Variants in TOB2 observed in about 807,000 individuals in gnomAD.
The protein encoded by TOB2 is transducer of ERBB2, 2, also known as protein Tob2.
Under a neutral mutation model 17.3 loss-of-function variants are expected in TOB2, and 3 were observed. The observed-to-expected ratio is 0.17, with a 90% CI of 0.08 to 0.45. The LOEUF (loss-of-function observed/expected upper bound fraction) is 0.45. Among genes scored for constraint, TOB2 ranks in the 20% least tolerant of loss-of-function variants. The pLI, the probability that TOB2 is intolerant of heterozygous loss-of-function variation, is 0.99. For synonymous variants in TOB2, 163 were observed against 185.6 expected (o/e 0.88, Z 0.99); for missense variants, 407 against 445.7 (o/e 0.91, Z 0.78).
At chr22:41,440,914 C>T (rs2037611934) in intron 1 of TOB2, among the ~76,000 whole-genome samples, 1 of 151,570 alleles carries the variant, frequency 6.6e-6, no homozygotes, top group Non-Finnish European at 1.5e-5. Flanking sequence ...TGCCATGTCA[C>T]CCAGGCTGTT....
intron 1 of TOB2, among the ~76,000 whole-genome samples, chr22:41,444,033 C>T (rs958783848): frequency 7.9e-5 from 12 of 152,206 alleles, no homozygotes; most frequent in African/African-American, 2.9e-4. Context: ...CACCTCTAAG[C>T]CTTAAATGTG....
At chr22:41,445,969 C>G (rs2037681030) in intron 1 of TOB2, among the ~76,000 whole-genome samples, 1 of 151,824 alleles carries the variant, frequency 6.6e-6, no homozygotes, top group Non-Finnish European at 1.5e-5. Context: ...GGAAAAGAAG[C>G]AGAAAAACAA....
chr22:41,441,685 G>A (rs559626696), intron 1 of TOB2, among the ~76,000 whole-genome samples: 3 of 152,086 alleles, frequency 2.0e-5, no homozygotes, highest in South Asian at 2.1e-4. Context: ...AGGCTGAGGC[G>A]GGTGGATCAC....
intron 1 of TOB2, among the ~76,000 whole-genome samples, chr22:41,441,039 C>T (rs531329536): frequency 4.6e-5 from 7 of 151,974 alleles, no homozygotes; most frequent in Non-Finnish European, 7.4e-5. Context: ...TAGTAGAGGC[C>T]GGGCACGGTG....
At position 41,438,758 on chromosome 22, in the gene TOB2, C is replaced by T. The variant is rs1040372515; in HGVS notation, c.-62-1351G>A. On this transcript the variant is annotated intron_variant, in intron 1 of 1. Coordinates refer to ENST00000327492, the MANE Select transcript of TOB2 (RefSeq NM_016272.4). ...CAACAAGGGAACTGCTGACTCGGGGCTGCCACAGGGAAGCAGAGAAAAGGA... is the reference window on the plus strand; with the variant it reads ...CAACAAGGGAACTGCTGACTCGGGGTTGCCACAGGGAAGCAGAGAAAAGGA... Among the ~76,000 whole-genome samples, 9 of 150,726 alleles carry T rather than the reference C, an allele frequency of 6.0e-5. No individual in the cohort carries two copies. The East Asian group carries it at 1.8e-3, about 30-fold the overall frequency.
intron 1 of TOB2, 105 bp from the exon 2 acceptor site, chr22:41,437,512 G>C (rs950299458): frequency 7.4e-7 from 1 of 1,344,056 alleles, no homozygotes; most frequent in Admixed American, 2.9e-5. Context: ...AGAACCAGGA[G>C]CCTATTTCTG....
rs1468276763 is a variant in TOB2, at chr22:41,436,539, G to A, written c.807C>T (p.Ser269=). The A allele has an allele frequency of 6.2e-7, 1 of 1,610,546 alleles. No individual in the cohort carries two copies. The highest frequency in any genetic ancestry group is 8.5e-7 in the Non-Finnish European group (1 of 1,178,320). Residue 269 remains serine (S), a synonymous_variant, in exon 2 of 2, where the codon AGC becomes AGT. Coordinates refer to ENST00000327492, the MANE Select transcript of TOB2 (RefSeq NM_016272.4). The surrounding 1 kb of genome is among the most constrained non-coding windows in gnomAD (Gnocchi z 4.8). ...GGCCATCGGCCGCATCAAAGAAGAG[G>A]CTGGGTGAGCCACCACCGTTGTACA... ...EFVYNGGGSP[S]LFFDAADGQG...
rs1218883076 is a variant in TOB2, at chr22:41,433,681, A to T, written c.*2630T>A. The T allele has an allele frequency of 2.7e-5, 11 of 402,924 alleles. No individual in the cohort carries two copies. Among genetic ancestry groups the T allele is most frequent in the Non-Finnish European group, 5.6e-5 (11 of 195,820 alleles). The allele number at this position is 402,924 out of a possible 1,614,324, so 25.0% of individuals were successfully genotyped here. On this transcript the variant is annotated 3_prime_UTR_variant, in exon 2 of 2. Transcript: ENST00000327492. Reference sequence around the variant, plus strand: ...TTGTATTCCTCCTTCACTAAAGAAAAAAGTTCATGACCCTGCTCCCCGGGC... The same window carrying T: ...TTGTATTCCTCCTTCACTAAAGAAATAAGTTCATGACCCTGCTCCCCGGGC...
intron 1 of TOB2, among the ~76,000 whole-genome samples, chr22:41,438,630 CAAAAAAAAA>C (rs749494672): frequency 0.14 from 1,803 of 12,650 alleles, 53 homozygotes; most frequent in African/African-American, 0.28. Context: ...AACTCTGTCT[CAAAAAAAAA>C]AAAAAAAAAA....
chr22:41,444,974 C>G (rs546939291), intron 1 of TOB2, among the ~76,000 whole-genome samples: 1 of 152,302 alleles, frequency 6.6e-6, no homozygotes, highest in South Asian at 2.1e-4. Context: ...ATCTTTTTCA[C>G]TTAATGCCTA....
At chr22:41,442,122 T>C (rs890253023) in intron 1 of TOB2, among the ~76,000 whole-genome samples, 1 of 150,162 alleles carries the variant, frequency 6.7e-6, no homozygotes, top group Non-Finnish European at 1.5e-5. Flanking sequence ...AAAAAAAAGT[T>C]GTGAGGAAAG....
At position 41,434,413 on chromosome 22, in the gene TOB2, T is replaced by C. The variant is rs2037523049; in HGVS notation, c.*1898A>G. The C allele has an allele frequency of 6.5e-6, 1 of 152,764 alleles. No homozygotes were observed. Among genetic ancestry groups the C allele is most frequent in the Admixed American group, 6.6e-5 (1 of 15,254 alleles). 9.5% of individuals were successfully genotyped at this position (152,764 alleles called of 1,614,324 possible). On this transcript the variant is annotated 3_prime_UTR_variant, in exon 2 of 2. Transcript: ENST00000327492. ...TCCAACCTTTCCCAGAGAGAAGCTA[T>C]CTGCTGGGTCTGTCACCTGTGTGGG...
chr22:41,446,141 T>C (rs1474321021), intron 1 of TOB2, among the ~76,000 whole-genome samples: 6 of 152,000 alleles, frequency 3.9e-5, no homozygotes, highest in Non-Finnish European at 8.8e-5. Context: ...CTCTTGGAAC[T>C]GGGAGAAAAA....
Position 41,436,619 on chromosome 22 carries a change from T to C in TOB2, c.727A>G (p.Ile243Val). 6.2e-7 allele frequency: 1 copy of C among 1,613,826 alleles called. No homozygotes were observed. Among genetic ancestry groups the C allele is most frequent in the Non-Finnish European group, 8.5e-7 (1 of 1,179,918 alleles). Residue 243 changes from isoleucine to valine, a missense_variant, in exon 2 of 2, where the codon ATC becomes GTC. By Grantham distance (29) the Ile-to-Val change is conservative (BLOSUM62 3). Transcript: ENST00000327492. The surrounding 1 kb of genome is among the most constrained non-coding windows in gnomAD (Gnocchi z 4.8). The part of the protein sequence containing the change: ...LSLSMHSLNF[I>V]TANPAPQSQL... ...GACTGAGGGGCCGGGTTGGCCGTGATGAAGTTCAGTGAATGCATAGACAGA... is the reference window on the plus strand; with the variant it reads ...GACTGAGGGGCCGGGTTGGCCGTGACGAAGTTCAGTGAATGCATAGACAGA...
intron 1 of TOB2, among the ~76,000 whole-genome samples, chr22:41,443,901 C>T (rs2037649623): frequency 6.6e-6 from 1 of 152,172 alleles, no homozygotes. Flanking sequence ...GCTGGGATTA[C>T]AGGCGTGAGC....
chr22:41,440,848 T>G (rs1262366419), intron 1 of TOB2, among the ~76,000 whole-genome samples: 1 of 146,330 alleles, frequency 6.8e-6, no homozygotes, highest in East Asian at 2.0e-4. Flanking sequence ...TTTACAGGCC[T>G]GAGCCACCAT....
chr22:41,444,123 G>T (rs967232415), intron 1 of TOB2, among the ~76,000 whole-genome samples: 1 of 152,150 alleles, frequency 6.6e-6, no homozygotes, highest in African/African-American at 2.4e-5. Context: ...GGGTGGATGC[G>T]AGTGCCCTGC....
intron 1 of TOB2, among the ~76,000 whole-genome samples, chr22:41,437,672 C>T (rs79930345): frequency 0.012 from 1,781 of 152,200 alleles, 36 homozygotes; most frequent in African/African-American, 0.041. Context: ...CTACTATTGG[C>T]CGGGCGCGGT....
intron 1 of TOB2, among the ~76,000 whole-genome samples, chr22:41,438,977 G>A (rs952280157): frequency 1.3e-5 from 2 of 152,162 alleles, no homozygotes; most frequent in African/African-American, 4.8e-5. Flanking sequence ...GGCAGCCCAA[G>A]ATAAACACCA....
Sources: allele counts gnomAD v4.1 joint callset (sites outside exome capture counted in the v4.1 genomes callset), GRCh38; gene constraint gnomAD v4.1.1; non-coding constraint Gnocchi (gnomAD v3.1); transcripts MANE v1.5; gene names NCBI Gene and HGNC (gene_info 2026-07-23, HGNC 2026-07-21).